Variants in ZDHHC21 observed in about 807,000 individuals in gnomAD.
ZDHHC21 encodes palmitoyltransferase ZDHHC21.
ZDHHC21 carries 15 observed loss-of-function variants against 34.6 expected under a neutral mutation model. That is an observed-to-expected ratio of 0.43 (90% confidence interval 0.29 to 0.67). The LOEUF is 0.67. Ranked by LOEUF, ZDHHC21 falls within the 30% of genes least tolerant of loss-of-function variation. The pLI, the probability that ZDHHC21 is intolerant of heterozygous loss-of-function variation, is 0.14. For synonymous variants in ZDHHC21, 142 were observed against 101.8 expected (o/e 1.40, Z -2.38); for missense variants, 344 against 327.7 (o/e 1.05, Z -0.38).
chr9:14,612,730 CTCTA>C lies in ZDHHC21; in HGVS notation c.*6232_*6235del, dbSNP rs1317384835. ...TCTGTCTGTCTCTCCGTATCTCTCT[CTCTA>C]TATATCTACACACACATATGTACAC... is the stretch of plus-strand genomic sequence containing the variant. On this transcript the variant is annotated 3_prime_UTR_variant, in exon 10 of 10. Transcript: ENST00000380916. 1 of 151,518 alleles carries C rather than the reference CTCTA, an allele frequency of 6.6e-6. No individual in the cohort carries two copies. Among genetic ancestry groups the C allele is most frequent in the Non-Finnish European group, 1.5e-5 (1 of 67,762 alleles). 9.4% of individuals were successfully genotyped at this position (151,518 alleles called of 1,614,324 possible). A position where few individuals can be genotyped will look rare whatever the true frequency, so the allele number is the denominator to read the frequency against.
intron 7 of ZDHHC21, among the ~76,000 whole-genome samples, chr9:14,655,217 A>T (rs1831972202): frequency 6.6e-6 from 1 of 152,030 alleles, no homozygotes; most frequent in Non-Finnish European, 1.5e-5. Context: ...ATCTTTTAAA[A>T]ACTGAACGAA....
chr9:14,617,757 TA>T lies in ZDHHC21; in HGVS notation c.*1208del, dbSNP rs1824511678. On this transcript the variant is annotated 3_prime_UTR_variant, in exon 10 of 10. Coordinates refer to ENST00000380916, the MANE Select transcript of ZDHHC21 (RefSeq NM_178566.6). ...ATTTACATTTGTACAAGGCTAATGATAAACACAGATCATTATATTTTCTTAT... is the reference window on the plus strand; with the variant it reads ...ATTTACATTTGTACAAGGCTAATGATAACACAGATCATTATATTTTCTTAT... 1 of 152,018 alleles carries T rather than the reference TA, an allele frequency of 6.6e-6. No individual in the cohort carries two copies. The highest frequency in any genetic ancestry group is 2.4e-5 in the African/African-American group (1 of 41,438). The allele number at this position is 152,018 out of a possible 1,614,324, so 9.4% of individuals were successfully genotyped here.
intron 3 of ZDHHC21, among the ~76,000 whole-genome samples, chr9:14,679,338 T>A (rs1050927361): frequency 1.3e-5 from 2 of 152,158 alleles, no homozygotes; most frequent in African/African-American, 4.8e-5. Flanking sequence ...AAGTCATAGG[T>A]ATTCCGATGT....
chr9:14,677,989 T>C (rs1022883541), intron 3 of ZDHHC21, among the ~76,000 whole-genome samples: 2 of 151,996 alleles, frequency 1.3e-5, no homozygotes, highest in African/African-American at 4.8e-5. Context: ...ATGCTTACAG[T>C]TTTACGTGAT....
intron 2 of ZDHHC21, chr9:14,683,873 G>C (rs184297221): frequency 7.6e-4 from 116 of 152,206 alleles, no homozygotes; most frequent in African/African-American, 2.4e-3. Context: ...GGGCTTCATC[G>C]CTAGGATGCA....
At chr9:14,608,774 T>TA (rs1443309669), downstream of ZDHHC21, among the ~76,000 whole-genome samples, 5 of 152,236 alleles carry the variant, frequency 3.3e-5, no homozygotes, top group African/African-American at 1.2e-4. Flanking sequence ...CTAATATAAT[T>TA]GCTGCTCATA....
At chr9:14,600,843 G>A in the ZDHHC21 span, among the ~76,000 whole-genome samples, 3 of 151,998 alleles carry the variant, frequency 2.0e-5, no homozygotes, top group African/African-American at 2.4e-5. Context: ...CAGAAACAAC[G>A]CCACACATCT....
intron 2 of ZDHHC21, among the ~76,000 whole-genome samples, chr9:14,688,293 C>T (rs1230346633): frequency 1.3e-5 from 2 of 150,800 alleles, no homozygotes; most frequent in Non-Finnish European, 2.9e-5. Flanking sequence ...CAAAGCAGCG[C>T]CTCCAAAATG....
chr9:14,645,194 T>G (rs1830080904), intron 7 of ZDHHC21, among the ~76,000 whole-genome samples: 1 of 152,064 alleles, frequency 6.6e-6, no homozygotes. Context: ...ACTGTTCTAC[T>G]AGATAACATT....
intron 8 of ZDHHC21, among the ~76,000 whole-genome samples, chr9:14,635,545 C>T (rs556055598): frequency 1.1e-4 from 16 of 152,216 alleles, no homozygotes; most frequent in East Asian, 9.6e-4. Context: ...AAGTGCGGAA[C>T]GAAAAACACT....
the ZDHHC21 span, among the ~76,000 whole-genome samples, chr9:14,600,312 A>T: frequency 3.3e-5 from 5 of 152,222 alleles, no homozygotes; most frequent in African/African-American, 1.2e-4. Flanking sequence ...GCAAAGTCTC[A>T]GGATACAAAA....
At chr9:14,690,763 C>A (rs1210048850) in intron 1 of ZDHHC21, among the ~76,000 whole-genome samples, 1 of 152,146 alleles carries the variant, frequency 6.6e-6, no homozygotes, top group African/African-American at 2.4e-5. Context: ...TGAAAATGTG[C>A]TTTTTAAACT....
At chr9:14,633,024 T>C (rs1012041566) in intron 8 of ZDHHC21, among the ~76,000 whole-genome samples, 5 of 152,148 alleles carry the variant, frequency 3.3e-5, no homozygotes, top group South Asian at 2.1e-4. Flanking sequence ...AAAAGATAAA[T>C]GTAGTTTCCA....
chr9:14,689,600 A>G (rs1254373947), intron 2 of ZDHHC21, among the ~76,000 whole-genome samples: 1 of 152,172 alleles, frequency 6.6e-6, no homozygotes, highest in Non-Finnish European at 1.5e-5. Context: ...AATGTACATG[A>G]CTGTATTAGT....
intron 8 of ZDHHC21, among the ~76,000 whole-genome samples, chr9:14,636,593 A>G (rs962763490): frequency 6.6e-6 from 1 of 152,170 alleles, no homozygotes; most frequent in African/African-American, 2.4e-5. Flanking sequence ...ACCAACAGCT[A>G]CAGAATACAC....
At chr9:14,601,297 C>A in the ZDHHC21 span, among the ~76,000 whole-genome samples, 2 of 151,954 alleles carry the variant, frequency 1.3e-5, no homozygotes. Flanking sequence ...TTTAAACCAA[C>A]TTACAAGAAA....
chr9:14,599,348 G>A, the ZDHHC21 span, among the ~76,000 whole-genome samples: 1 of 152,204 alleles, frequency 6.6e-6, no homozygotes, highest in Admixed American at 6.5e-5. Flanking sequence ...CAAGGGGTTG[G>A]AGAACTCCCT....
At chr9:14,644,972 G>A (rs1830045014) in intron 7 of ZDHHC21, among the ~76,000 whole-genome samples, 1 of 152,068 alleles carries the variant, frequency 6.6e-6, no homozygotes, top group African/African-American at 2.4e-5. Context: ...CGGTTCTACT[G>A]CATGTATTCT....
At chr9:14,671,439 T>C (rs1191101668) in intron 5 of ZDHHC21, among the ~76,000 whole-genome samples, 1 of 152,072 alleles carries the variant, frequency 6.6e-6, no homozygotes. Context: ...GTTGTCAATG[T>C]AGGAAATAAA....
Sources: gnomAD v4.1 joint callset for allele counts (sites outside exome capture counted in the v4.1 genomes callset) on GRCh38, gnomAD v4.1.1 for gene constraint, MANE v1.5 for transcripts, NCBI Gene and HGNC (gene_info 2026-07-23, HGNC 2026-07-21) for gene names.